The following NBAS variants were observed in gnomAD, a reference collection of about 807,000 sequenced individuals.
NBAS encodes the protein NAG/BC035112 fusion.
In NBAS, 219 loss-of-function variants were observed where a neutral mutation model predicts 302.5. The ratio of observed to expected loss-of-function variants is 0.72; its 90% confidence interval spans 0.65 to 0.81. The LOEUF (loss-of-function observed/expected upper bound fraction) is 0.81, where lower values mean the gene tolerates loss of function less well. NBAS is among the 30% of genes least tolerant of loss of function. The pLI, the probability that NBAS is intolerant of heterozygous loss-of-function variation, is 0.00. For synonymous variants in NBAS, 1,118 were observed against 1,021.6 expected (o/e 1.09, Z -1.80); for missense variants, 2,932 against 2,841.6 (o/e 1.03, Z -0.72).
intron 41 of NBAS, 103 bp downstream of exon 41, chr2:15,292,434 T>C (rs541017424): frequency 1.9e-5 from 23 of 1,226,534 alleles, no homozygotes; most frequent in East Asian, 2.5e-5. Context: ...ATAGCAACCA[T>C]GAATGTAAAA....
the NBAS span, among the ~76,000 whole-genome samples, chr2:14,869,518 GT>G: frequency 2.6e-5 from 4 of 152,080 alleles, no homozygotes; most frequent in South Asian, 6.2e-4. Flanking sequence ...ATTTATCAAA[GT>G]TTTTTAATGA....
chr2:15,072,446 G>T, the NBAS span, among the ~76,000 whole-genome samples: 5 of 152,016 alleles, frequency 3.3e-5, no homozygotes, highest in Admixed American at 3.3e-4. Flanking sequence ...TTCTAATTTC[G>T]CATTTCTTTT....
chr2:15,091,113 C>T, the NBAS span, among the ~76,000 whole-genome samples: 1 of 152,174 alleles, frequency 6.6e-6, no homozygotes, highest in African/African-American at 2.4e-5. Context: ...GGAATTTCCT[C>T]CATTTTTTGT....
the NBAS span, among the ~76,000 whole-genome samples, chr2:14,808,448 G>A: frequency 2.0e-5 from 3 of 152,124 alleles, no homozygotes; most frequent in Non-Finnish European, 2.9e-5. Flanking sequence ...TCCTGGGGGC[G>A]GGTATTTCCC....
intron 32 of NBAS, among the ~76,000 whole-genome samples, chr2:15,361,626 A>C (rs1673930108): frequency 6.6e-6 from 1 of 152,236 alleles, no homozygotes; most frequent in Non-Finnish European, 1.5e-5. Context: ...ATGTAGGCTA[A>C]AAAGGACAAA....
chr2:15,554,855 A>G (rs1195710201), intron 3 of NBAS, among the ~76,000 whole-genome samples: 2 of 152,084 alleles, frequency 1.3e-5, no homozygotes, highest in African/African-American at 4.8e-5. Context: ...ATGTAAGATC[A>G]GATTACAATT....
chr2:15,189,623 A>G (rs749713492), intron 49 of NBAS, among the ~76,000 whole-genome samples: 1 of 152,158 alleles, frequency 6.6e-6, no homozygotes, highest in Non-Finnish European at 1.5e-5. Context: ...GGTATGTTCC[A>G]TGGCTGATAC....
the NBAS span, among the ~76,000 whole-genome samples, chr2:15,101,485 A>G: frequency 1.1e-4 from 1 of 8,940 alleles, no homozygotes; most frequent in Non-Finnish European, 1.7e-4. Context: ...TAATATATAA[A>G]TGCATGTAAA....
At chr2:15,353,785 C>T (rs1673484791) in intron 33 of NBAS, 75 bp from the exon 34 acceptor site, 1 of 1,591,912 alleles carries the variant, frequency 6.3e-7, no homozygotes, top group Non-Finnish European at 8.6e-7. Context: ...AATGCAATGG[C>T]TTCCTGCTCA....
At position 15,167,111 on chromosome 2, in the gene NBAS, C is replaced by T; in HGVS notation, c.7053G>A (p.Arg2351=). 6.2e-7 allele frequency: 1 copy of T among 1,613,844 alleles called. No individual in the cohort carries two copies. Among genetic ancestry groups the T allele is most frequent in the Non-Finnish European group, 8.5e-7 (1 of 1,179,816 alleles). ...AEAGSLLLAV[R]GTHQAFRTFS... ...AGGTTCTGAAGGCCTGGTGAGTCCCCCTCACGGCCAGAAGGAGAGACCCGG... is the reference window on the plus strand; with the variant it reads ...AGGTTCTGAAGGCCTGGTGAGTCCCTCTCACGGCCAGAAGGAGAGACCCGG... The change falls in exon 52 of 52, where the codon AGG becomes AGA. Residue 2351 remains arginine, a synonymous_variant. Coordinates refer to ENST00000281513, the MANE Select transcript of NBAS (RefSeq NM_015909.4).
chr2:15,272,919 T>C (rs1417407015), intron 44 of NBAS, among the ~76,000 whole-genome samples: 3 of 152,178 alleles, frequency 2.0e-5, no homozygotes, highest in East Asian at 1.9e-4. Flanking sequence ...ATGTGAATAA[T>C]TTAAAATCAC....
At chr2:14,965,238 C>A in the NBAS span, among the ~76,000 whole-genome samples, 1 of 152,018 alleles carries the variant, frequency 6.6e-6, no homozygotes, top group Admixed American at 6.6e-5. Context: ...AGCCAATCAA[C>A]GCAACTAAAA....
chr2:15,004,754 C>G, the NBAS span, among the ~76,000 whole-genome samples: 1 of 150,862 alleles, frequency 6.6e-6, no homozygotes, highest in African/African-American at 2.4e-5. Context: ...AGCGATCCAC[C>G]CCCCCTTGGC....
chr2:14,809,068 G>T, the NBAS span, among the ~76,000 whole-genome samples: 1 of 152,196 alleles, frequency 6.6e-6, no homozygotes, highest in African/African-American at 2.4e-5. Context: ...TTCAAGATGT[G>T]ATTTGGGTGC....
intron 28 of NBAS, among the ~76,000 whole-genome samples, chr2:15,388,436 C>T (rs950697367): frequency 5.3e-5 from 8 of 151,724 alleles, no homozygotes; most frequent in Non-Finnish European, 5.9e-5. Flanking sequence ...TGAAATGCTA[C>T]TATATACCCA....
At chr2:15,086,271 A>T in the NBAS span, among the ~76,000 whole-genome samples, 1 of 151,840 alleles carries the variant, frequency 6.6e-6, no homozygotes, top group South Asian at 2.1e-4. Flanking sequence ...GGAGCTTCCC[A>T]CTCCAGGGTC....
intron 21 of NBAS, among the ~76,000 whole-genome samples, chr2:15,440,791 C>T (rs970238615): frequency 6.6e-6 from 1 of 151,890 alleles, no homozygotes; most frequent in African/African-American, 2.4e-5. Flanking sequence ...CTAGAATAAC[C>T]AATACAGAGA....
chr2:15,115,212 A>G, the NBAS span, among the ~76,000 whole-genome samples: 9,220 of 152,298 alleles, frequency 0.061, 373 homozygotes, highest in Non-Finnish European at 0.093. Context: ...TCACTCCAGA[A>G]TCAGAGAGAC....
chr2:15,561,103 C>T (rs2148724016), intron 1 of NBAS, 85 bp downstream of exon 1: 2 of 1,177,188 alleles, frequency 1.7e-6, no homozygotes, highest in East Asian at 4.8e-5. Context: ...CCCGTCTCCA[C>T]TCCCCTACGT....
Sources: allele counts gnomAD v4.1 joint callset (sites outside exome capture counted in the v4.1 genomes callset), GRCh38; gene constraint gnomAD v4.1.1; transcripts MANE v1.5; gene names NCBI Gene and HGNC (gene_info 2026-07-23, HGNC 2026-07-21).